The following DPP10 variants were observed in gnomAD, a reference collection of about 807,000 sequenced individuals.
DPP10 encodes the protein dipeptidyl peptidase like 10.
DPP10 carries 33 observed loss-of-function variants against 120.9 expected under a neutral mutation model. The observed-to-expected ratio is 0.27, with a 90% CI of 0.21 to 0.37. DPP10 has a LOEUF of 0.37. Among genes scored for constraint, DPP10 ranks in the 10% least tolerant of loss-of-function variants. The pLI is 1.00. For synonymous variants in DPP10, 337 were observed against 326.1 expected, an observed-to-expected ratio of 1.03 and a Z score of -0.36; for missense variants, 816 against 942.8, an observed-to-expected ratio of 0.87 and a Z score of 1.76.
intron 1 of DPP10, among the ~76,000 whole-genome samples, chr2:115,277,647 T>G (rs2059975561): frequency 6.6e-6 from 1 of 151,942 alleles, no homozygotes; most frequent in Non-Finnish European, 1.5e-5. Flanking sequence ...CATCTATACT[T>G]TATTGGTTTC....
At chr2:115,474,157 T>C (rs2074919411) in intron 3 of DPP10, among the ~76,000 whole-genome samples, 1 of 139,252 alleles carries the variant, frequency 7.2e-6, no homozygotes, top group Admixed American at 7.7e-5. Context: ...CACACTATTA[T>C]TCACTGAATG....
At chr2:114,644,937 CA>C (rs1271234790) in intron 1 of DPP10, among the ~76,000 whole-genome samples, 2 of 151,814 alleles carry the variant, frequency 1.3e-5, no homozygotes, top group Non-Finnish European at 2.9e-5. Context: ...AACAAATACA[CA>C]AAGTTTTCTC....
intron 1 of DPP10, among the ~76,000 whole-genome samples, chr2:115,230,777 C>A (rs1247433361): frequency 6.6e-6 from 1 of 151,854 alleles, no homozygotes; most frequent in Non-Finnish European, 1.5e-5. Flanking sequence ...AAACAACAGA[C>A]ACGTATAAGG....
intron 1 of DPP10, among the ~76,000 whole-genome samples, chr2:114,557,990 G>A (rs1438448956): frequency 2.0e-5 from 3 of 152,080 alleles, no homozygotes; most frequent in African/African-American, 4.8e-5. Flanking sequence ...TTATCATCAG[G>A]CACAGAACAT....
At chr2:115,135,749 T>C (rs2050619240) in intron 1 of DPP10, among the ~76,000 whole-genome samples, 1 of 152,148 alleles carries the variant, frequency 6.6e-6, no homozygotes, top group Admixed American at 6.6e-5. Context: ...TTCTTGTGAG[T>C]CGCTGAGGCT....
At chr2:115,275,701 C>CTTTTCTTT (rs2059886910) in intron 1 of DPP10, among the ~76,000 whole-genome samples, 1 of 131,854 alleles carries the variant, frequency 7.6e-6, no homozygotes, top group Admixed American at 7.9e-5. Flanking sequence ...CTTTTCTTTT[C>CTTTTCTTT]TTTTTTTTTT....
chr2:115,122,678 A>G (rs1389269541), intron 1 of DPP10, among the ~76,000 whole-genome samples: 1 of 152,248 alleles, frequency 6.6e-6, no homozygotes, highest in African/African-American at 2.4e-5. Context: ...AAGGAGCACA[A>G]GACCATTTCA....
At chr2:115,280,135 G>A (rs991706826) in intron 1 of DPP10, among the ~76,000 whole-genome samples, 1 of 152,152 alleles carries the variant, frequency 6.6e-6, no homozygotes, top group African/African-American at 2.4e-5. Flanking sequence ...TAGGTTGAAA[G>A]ACATGTTTTT....
chr2:114,887,026 T>C (rs1047184844), intron 1 of DPP10, among the ~76,000 whole-genome samples: 59 of 152,342 alleles, frequency 3.9e-4, no homozygotes, highest in African/African-American at 1.3e-3. Context: ...TCCACTGTAG[T>C]CTTTTTTAAC....
chr2:115,483,433 G>A (rs62164699), intron 3 of DPP10, among the ~76,000 whole-genome samples: 3 of 140,590 alleles, frequency 2.1e-5, no homozygotes, highest in Non-Finnish European at 4.5e-5. Flanking sequence ...ATGTCTATCT[G>A]TCTGTCTATC....
At chr2:115,458,538 G>T (rs2073764951) in intron 3 of DPP10, among the ~76,000 whole-genome samples, 1 of 152,098 alleles carries the variant, frequency 6.6e-6, no homozygotes, top group Non-Finnish European at 1.5e-5. Flanking sequence ...GAAAGAAAAT[G>T]AAAAGGCAAA....
chr2:115,257,641 G>A (rs1283431654), intron 1 of DPP10, among the ~76,000 whole-genome samples: 3 of 152,148 alleles, frequency 2.0e-5, no homozygotes, highest in Admixed American at 6.5e-5. Context: ...ATTTGGAGAG[G>A]CCATATATCC....
chr2:115,743,500 A>G (rs1677548224), intron 9 of DPP10, among the ~76,000 whole-genome samples: 1 of 152,198 alleles, frequency 6.6e-6, no homozygotes, highest in South Asian at 2.1e-4. Context: ...AATTTAATTT[A>G]ATTTCCCGCT....
intron 5 of DPP10, among the ~76,000 whole-genome samples, chr2:115,632,957 A>G (rs2149323154): frequency 6.6e-6 from 1 of 152,346 alleles, no homozygotes; most frequent in South Asian, 2.1e-4. Context: ...ATGTGGAGAA[A>G]TAGGAACACT....
chr2:114,874,707 T>C (rs1253431430), intron 1 of DPP10, among the ~76,000 whole-genome samples: 1 of 152,080 alleles, frequency 6.6e-6, no homozygotes, highest in Non-Finnish European at 1.5e-5. Flanking sequence ...CCCTGGTCCA[T>C]GGAAAAAGTT....
intron 4 of DPP10, among the ~76,000 whole-genome samples, chr2:115,506,320 A>G (rs1004336007): frequency 6.6e-6 from 1 of 152,132 alleles, no homozygotes; most frequent in African/African-American, 2.4e-5. Flanking sequence ...GGTAAACATT[A>G]AATGATAATG....
chr2:114,625,926 T>A (rs1694473831), intron 1 of DPP10, among the ~76,000 whole-genome samples: 1 of 151,846 alleles, frequency 6.6e-6, no homozygotes, highest in African/African-American at 2.4e-5. Context: ...AATCTAGGAG[T>A]GCAGAATGCT....
intron 1 of DPP10, among the ~76,000 whole-genome samples, chr2:114,513,765 T>C (rs1048204878): frequency 1.3e-5 from 2 of 152,190 alleles, no homozygotes; most frequent in African/African-American, 4.8e-5. Flanking sequence ...TTTCCCCTTT[T>C]AGTTAGGTAA....
intron 1 of DPP10, among the ~76,000 whole-genome samples, chr2:114,923,106 T>C (rs1351368167): frequency 6.6e-6 from 1 of 152,130 alleles, no homozygotes; most frequent in Non-Finnish European, 1.5e-5. Context: ...ATTATAAGAG[T>C]TCTTTGTACA....
Sources: allele counts gnomAD v4.1 joint callset (sites outside exome capture counted in the v4.1 genomes callset), GRCh38; gene constraint gnomAD v4.1.1; transcripts MANE v1.5; gene names NCBI Gene and HGNC (gene_info 2026-07-23, HGNC 2026-07-21).